The following PLS1 variants were observed in gnomAD, a reference collection of about 807,000 sequenced individuals.
PLS1 encodes the protein plastin 1.
A neutral mutation model predicts 73.7 loss-of-function variants in PLS1; 32 were observed. That is an observed-to-expected ratio of 0.43 (90% CI 0.33 to 0.58). PLS1 has a LOEUF of 0.58. Among genes scored for constraint, PLS1 ranks in the 20% least tolerant of loss-of-function variants. PLS1 has a pLI of 0.04. For synonymous variants in PLS1, 217 were observed against 261.3 expected, an observed-to-expected ratio of 0.83 and a Z score of 1.63; for missense variants, 633 against 740.5, an observed-to-expected ratio of 0.85 and a Z score of 1.68.
chr3:142,654,602 C>T (rs947649041), intron 1 of PLS1, among the ~76,000 whole-genome samples: 5 of 152,184 alleles, frequency 3.3e-5, no homozygotes, highest in Non-Finnish European at 7.3e-5. Context: ...AATCCTCTGG[C>T]CTTGGCCTCC....
chr3:142,600,503 A>G (rs1476617558), intron 1 of PLS1, among the ~76,000 whole-genome samples: 1 of 152,104 alleles, frequency 6.6e-6, no homozygotes, highest in African/African-American at 2.4e-5. Context: ...AGGCTGAGAG[A>G]GAGACAATTG....
intron 1 of PLS1, among the ~76,000 whole-genome samples, chr3:142,652,008 G>T (rs180953812): frequency 6.6e-6 from 1 of 152,222 alleles, no homozygotes; most frequent in African/African-American, 2.4e-5. Context: ...GGATTTCCAG[G>T]GGGTAGGCAT....
intron 11 of PLS1, among the ~76,000 whole-genome samples, 167 bp from the exon 12 acceptor site, chr3:142,697,786 C>G (rs2038241287): frequency 6.6e-6 from 1 of 152,178 alleles, no homozygotes; most frequent in Admixed American, 6.5e-5. Flanking sequence ...ACATTTTGGA[C>G]AGATTCTTAG....
At chr3:142,648,036 T>C (rs1260250551) in intron 1 of PLS1, among the ~76,000 whole-genome samples, 1 of 152,170 alleles carries the variant, frequency 6.6e-6, no homozygotes, top group Non-Finnish European at 1.5e-5. Flanking sequence ...GTTCATTGAC[T>C]CCCTTACTAA....
chr3:142,608,407 T>G (rs1238125693), intron 1 of PLS1, among the ~76,000 whole-genome samples: 1 of 152,208 alleles, frequency 6.6e-6, no homozygotes, highest in Non-Finnish European at 1.5e-5. Context: ...ACATTAACTT[T>G]TAGAATTCCA....
At chr3:142,613,200 G>A (rs2036154893) in intron 1 of PLS1, among the ~76,000 whole-genome samples, 2 of 152,174 alleles carry the variant, frequency 1.3e-5, no homozygotes, top group Admixed American at 1.3e-4. Context: ...GCTTAGGGCT[G>A]GGCGCCGTGG....
intron 1 of PLS1, among the ~76,000 whole-genome samples, chr3:142,616,230 G>A (rs1017890706): frequency 6.6e-6 from 1 of 152,268 alleles, no homozygotes; most frequent in South Asian, 2.1e-4. Flanking sequence ...GAAGATGATA[G>A]TTTGAGGAAA....
intron 12 of PLS1, among the ~76,000 whole-genome samples, chr3:142,699,080 AT>A (rs2038272209): frequency 6.6e-6 from 1 of 152,204 alleles, no homozygotes; most frequent in Non-Finnish European, 1.5e-5. Context: ...GGAGGGGAAC[AT>A]CACATACCTG....
Position 142,689,605 on chromosome 3 carries a change from T to C in PLS1, c.982-13T>C, listed in dbSNP as rs370823205. 28 of 1,479,782 alleles carry C rather than the reference T, an allele frequency of 1.9e-5. No homozygotes were observed. The highest frequency in any genetic ancestry group is 2.5e-5 in the Non-Finnish European group (28 of 1,111,572). 91.7% of individuals were successfully genotyped at this position (1,479,782 alleles called of 1,614,324 possible). The stretch of plus-strand genomic sequence containing the variant: ...AAAACTTCAATTGTAACCATTTTTG[T>C]TTTATTGTTTAGGAGACAAATGACC... On this transcript the variant is annotated splice_polypyrimidine_tract_variant and intron_variant, in intron 9 of 15. Coordinates refer to ENST00000457734, the MANE Select transcript of PLS1 (RefSeq NM_001145319.2).
At chr3:142,693,458 A>C (rs991399077) in intron 10 of PLS1, among the ~76,000 whole-genome samples, 4 of 152,210 alleles carry the variant, frequency 2.6e-5, no homozygotes, top group African/African-American at 9.6e-5. Context: ...CAAAATCTAG[A>C]GAGTGACTTG....
At chr3:142,621,951 G>A (rs577134537) in intron 1 of PLS1, among the ~76,000 whole-genome samples, 11 of 152,244 alleles carry the variant, frequency 7.2e-5, no homozygotes, top group South Asian at 2.1e-4. Flanking sequence ...TAATGCCACC[G>A]CATCCAACTT....
intron 1 of PLS1, among the ~76,000 whole-genome samples, chr3:142,641,960 A>G (rs995916379): frequency 2.0e-5 from 3 of 152,014 alleles, no homozygotes; most frequent in African/African-American, 7.3e-5. Flanking sequence ...TGCTGTGTTC[A>G]GGATCTGAGG....
intron 3 of PLS1, 33 bp from the exon 4 acceptor site, chr3:142,670,960 C>T (rs975253074): frequency 6.8e-7 from 1 of 1,476,432 alleles, no homozygotes; most frequent in African/African-American, 1.4e-5. Flanking sequence ...TATTGATTAT[C>T]TGATTCTCAA....
At chr3:142,695,550 G>A (rs896991358) in intron 11 of PLS1, among the ~76,000 whole-genome samples, 1 of 152,242 alleles carries the variant, frequency 6.6e-6, no homozygotes, top group East Asian at 1.9e-4. Context: ...TATTGAAGGT[G>A]AGGAGGGATT....
intron 1 of PLS1, among the ~76,000 whole-genome samples, chr3:142,613,061 C>T (rs144335371): frequency 1.1e-4 from 17 of 152,260 alleles, no homozygotes; most frequent in African/African-American, 2.4e-4. Flanking sequence ...CCACCGTGCC[C>T]GGCCAATTTT....
intron 8 of PLS1, among the ~76,000 whole-genome samples, chr3:142,685,284 G>C (rs2037940853): frequency 6.6e-6 from 1 of 152,204 alleles, no homozygotes; most frequent in African/African-American, 2.4e-5. Flanking sequence ...ATTATGCCCA[G>C]GCGATGCAAA....
Position 142,676,154 on chromosome 3 carries a change from C to T in PLS1, c.365-3C>T. ...TTTGCCTACCAAGGTTTTCTCCTTT[C>T]AGAGGAAGAAAAAGTGGCTTTTGTT... On this transcript the variant is annotated splice_region_variant and splice_polypyrimidine_tract_variant and intron_variant, in intron 4 of 15. Transcript: ENST00000457734. 2.5e-6 allele frequency: 4 copies of T among 1,609,712 alleles called. No homozygotes were observed. In the South Asian group the frequency reaches 4.5e-5, roughly 18 times the overall value.
At chr3:142,698,437 T>TA (rs57727251) in intron 12 of PLS1, 25,519 of 140,628 alleles carry the variant, frequency 0.18, 2,226 homozygotes, top group East Asian at 0.2. Context: ...ATGCAGGATG[T>TA]AAAAAAAAAA....
chr3:142,659,299 A>G lies in PLS1; in HGVS notation c.-36-4903A>G, dbSNP rs1237682181. ...ACAGGGCCACTGTGGAAGATGGGAA[A>G]ATAGAATAGCTGGGAAATGAAAAGG... On this transcript the variant is annotated intron_variant, in intron 1 of 15. Coordinates refer to ENST00000457734, the MANE Select transcript of PLS1 (RefSeq NM_001145319.2). Among the ~76,000 whole-genome samples the G allele has an allele frequency of 2.0e-5, 3 of 152,316 alleles. No homozygotes were observed. The East Asian group carries it at 5.8e-4, about 29-fold the overall frequency.
Sources: gnomAD v4.1 joint callset for allele counts (sites outside exome capture counted in the v4.1 genomes callset) on GRCh38, gnomAD v4.1.1 for gene constraint, MANE v1.5 for transcripts, NCBI Gene and HGNC (gene_info 2026-07-23, HGNC 2026-07-21) for gene names.